RTKN2: variants seen among roughly 807,000 people sequenced by gnomAD.
RTKN2 encodes the protein rhotekin 2.
Under a neutral mutation model 71.5 loss-of-function variants are expected in RTKN2, and 69 were observed. The observed-to-expected ratio is 0.96, with a 90% CI of 0.79 to 1.18. The LOEUF is 1.18. Ranked by LOEUF, RTKN2 falls within the 50% of genes most tolerant of loss-of-function variation. The pLI, the probability that RTKN2 is intolerant of heterozygous loss-of-function variation, is 0.00. For synonymous variants in RTKN2, 236 were observed against 236.5 expected (o/e 1.00, Z 0.02); for missense variants, 724 against 719.7 (o/e 1.01, Z -0.07).
At position 62,194,637 on chromosome 10, in the gene RTKN2, T is replaced by C; in HGVS notation, c.*3271A>G. 1.0e-6 allele frequency: 1 copy of C among 985,322 alleles called. No homozygotes were observed. The highest frequency in any genetic ancestry group is 1.2e-6 in the Non-Finnish European group (1 of 829,834). 61.0% of individuals were successfully genotyped at this position (985,322 alleles called of 1,614,324 possible). On this transcript the variant is annotated 3_prime_UTR_variant, in exon 12 of 12. Coordinates refer to ENST00000373789, the MANE Select transcript of RTKN2 (RefSeq NM_145307.4). ...GGTAACACAGGTGATTACATTCAAA[T>C]GGCATTTAACATAAATTGCACCAAA...
intron 9 of RTKN2, among the ~76,000 whole-genome samples, chr10:62,208,734 T>C (rs61200039): frequency 0.021 from 3,231 of 152,154 alleles, 111 homozygotes; most frequent in African/African-American, 0.072. Flanking sequence ...CCTATAAGAA[T>C]TGTACTTCAG....
At position 62,196,550 on chromosome 10, in the gene RTKN2, T is replaced by C. The variant is rs1841335730; in HGVS notation, c.*1358A>G. 1.0e-6 allele frequency: 1 copy of C among 985,284 alleles called. No homozygotes were observed. Among genetic ancestry groups the C allele is most frequent in the Non-Finnish European group, 1.2e-6 (1 of 829,910 alleles). The allele number at this position is 985,284 out of a possible 1,614,324, so 61.0% of individuals were successfully genotyped here. Reference sequence around the variant, plus strand: ...CATTTAAATTAATGTGGTTTTTTGGTCAAGTGTTCATTTTGTTTTGTAATA... The same window carrying C: ...CATTTAAATTAATGTGGTTTTTTGGCCAAGTGTTCATTTTGTTTTGTAATA... On this transcript the variant is annotated 3_prime_UTR_variant, in exon 12 of 12. Transcript: ENST00000373789.
At chr10:62,249,774 A>T (rs797019599) in intron 2 of RTKN2, among the ~76,000 whole-genome samples, 3 of 152,336 alleles carry the variant, frequency 2.0e-5, no homozygotes, top group African/African-American at 7.2e-5. Context: ...TTTTAAATGT[A>T]TCCTATGTCA....
intron 9 of RTKN2, among the ~76,000 whole-genome samples, chr10:62,206,048 G>A (rs1379395767): frequency 6.6e-6 from 1 of 152,056 alleles, no homozygotes; most frequent in African/African-American, 2.4e-5. Flanking sequence ...ATTTAACGAT[G>A]TATTTCATGT....
At chr10:62,233,210 A>T (rs551835146) in intron 6 of RTKN2, among the ~76,000 whole-genome samples, 2 of 152,300 alleles carry the variant, frequency 1.3e-5, no homozygotes, top group African/African-American at 2.4e-5. Context: ...TGTCATTTTT[A>T]AAATAGGAGC....
rs1176998498 is a variant in RTKN2 at position 62,239,705 on chromosome 10, T to A, written c.431A>T (p.Asp144Val). The A allele has an allele frequency of 5.7e-6, 9 of 1,589,582 alleles. No individual in the cohort carries two copies. The highest frequency in any genetic ancestry group is 7.7e-6 in the Non-Finnish European group (9 of 1,165,742). Residue 144 changes from aspartate (D) to valine (V), a missense_variant, in exon 5 of 12, where the codon GAT becomes GTT. Transcript: ENST00000373789. ...FKMGANVFDT[D>V]VVNVDKTITD... ...GATTGTTTTATCCACATTCACCACATCAGTATCAAACACATTAGCTCCCAT... is the reference window on the plus strand; with the variant it reads ...GATTGTTTTATCCACATTCACCACAACAGTATCAAACACATTAGCTCCCAT...
chr10:62,205,167 T>G (rs1251735599), intron 9 of RTKN2, 145 bp from the exon 10 acceptor site: 3 of 650,364 alleles, frequency 4.6e-6, no homozygotes, highest in Non-Finnish European at 7.4e-6. Flanking sequence ...ACATGTAATT[T>G]TGAGAATTTT....
intron 2 of RTKN2, among the ~76,000 whole-genome samples, chr10:62,256,171 A>AT (rs1210873997): frequency 1.3e-5 from 2 of 152,006 alleles, no homozygotes; most frequent in Non-Finnish European, 2.9e-5. Flanking sequence ...GGCACACACC[A>AT]TCACACCTGG....
intron 6 of RTKN2, among the ~76,000 whole-genome samples, chr10:62,232,131 A>G (rs1842161551): frequency 6.6e-6 from 1 of 152,190 alleles, no homozygotes; most frequent in African/African-American, 2.4e-5. Context: ...GGAAATGTTT[A>G]TAAAGAAAAT....
intron 2 of RTKN2, among the ~76,000 whole-genome samples, chr10:62,253,644 G>T (rs571502011): frequency 4.1e-4 from 62 of 152,130 alleles, no homozygotes; most frequent in South Asian, 2.1e-3. Flanking sequence ...TGATTAAAAT[G>T]CAATTTTAAT....
chr10:62,246,992 G>C (rs1006627166), intron 2 of RTKN2, among the ~76,000 whole-genome samples: 13 of 151,894 alleles, frequency 8.6e-5, no homozygotes, highest in Admixed American at 8.5e-4. Flanking sequence ...ATTTCTAAGA[G>C]TATTCTTTGT....
intron 6 of RTKN2, among the ~76,000 whole-genome samples, chr10:62,229,558 T>G (rs1410131004): frequency 6.6e-6 from 1 of 152,260 alleles, no homozygotes; most frequent in Non-Finnish European, 1.5e-5. Context: ...CACTGTAATT[T>G]ATTCTTATTG....
intron 11 of RTKN2, 90 bp from the exon 12 acceptor site, chr10:62,198,533 A>T (rs1195258831): frequency 8.2e-6 from 8 of 978,796 alleles, no homozygotes; most frequent in Non-Finnish European, 1.2e-5. Context: ...CTAGTATGCT[A>T]TATACAATGG....
At chr10:62,236,449 T>C (rs1842260761) in intron 5 of RTKN2, among the ~76,000 whole-genome samples, 186 bp from the exon 6 acceptor site, 1 of 151,944 alleles carries the variant, frequency 6.6e-6, no homozygotes, top group Non-Finnish European at 1.5e-5. Flanking sequence ...ATGAGATAAA[T>C]TGTTGACGAG....
chr10:62,202,415 C>G (rs1487266152), intron 10 of RTKN2, among the ~76,000 whole-genome samples: 1 of 152,004 alleles, frequency 6.6e-6, no homozygotes, highest in African/African-American at 2.4e-5. Context: ...TTCTACATAC[C>G]ATACTTCAAC....
At chr10:62,235,174 A>G (rs1842229649) in intron 6 of RTKN2, among the ~76,000 whole-genome samples, 1 of 152,084 alleles carries the variant, frequency 6.6e-6, no homozygotes, top group Non-Finnish European at 1.5e-5. Flanking sequence ...AACTTAAAAG[A>G]CTCACTTTAA....
chr10:62,268,536 C>A lies in RTKN2; in HGVS notation c.60+15G>T. ...CTCCCTCACCTTCCGCGGCAGGGTC[C>A]CTCCCGCAACTCACCTGCTGGGTGG... is the stretch of plus-strand genomic sequence containing the variant. On this transcript the variant is annotated intron_variant, in intron 1 of 11. Transcript: ENST00000373789. The A allele has an allele frequency of 6.4e-7, 1 of 1,552,700 alleles. No individual in the cohort carries two copies. The highest frequency in any genetic ancestry group is 1.2e-5 in the South Asian group (1 of 84,192).
At chr10:62,206,624 T>C (rs1237398331) in intron 9 of RTKN2, among the ~76,000 whole-genome samples, 3 of 152,084 alleles carry the variant, frequency 2.0e-5, no homozygotes, top group East Asian at 1.9e-4. Context: ...GTCTATCCTG[T>C]CACAGTAGAA....
At chr10:62,235,833 G>C (rs1842246528) in intron 6 of RTKN2, among the ~76,000 whole-genome samples, 1 of 151,960 alleles carries the variant, frequency 6.6e-6, no homozygotes, top group Non-Finnish European at 1.5e-5. Context: ...TCAGATAAGG[G>C]ATATTCAACT....
Sources: gnomAD v4.1 joint callset for allele counts (sites outside exome capture counted in the v4.1 genomes callset) on GRCh38, gnomAD v4.1.1 for gene constraint, MANE v1.5 for transcripts, NCBI Gene and HGNC (gene_info 2026-07-23, HGNC 2026-07-21) for gene names.